EEF1AKMT2: variants seen among roughly 807,000 people sequenced by gnomAD.
EEF1AKMT2 encodes the protein EEF1A lysine methyltransferase 2, also known as eukaryotic translation elongation factor 1 alpha lysine methyltransferase 2.
A neutral mutation model predicts 35.8 loss-of-function variants in EEF1AKMT2; 32 were observed. The observed-to-expected ratio is 0.89, with a 90% confidence interval of 0.67 to 1.20. The LOEUF (loss-of-function observed/expected upper bound fraction) is 1.20, where lower values mean the gene tolerates loss of function less well. EEF1AKMT2 is among the 50% of genes most tolerant of loss of function. The probability of loss-of-function intolerance (pLI) is 0.00; values close to 1 mark genes in which losing one functional copy is unlikely to be tolerated. For synonymous variants in EEF1AKMT2, 121 were observed against 133.7 expected (o/e 0.91, Z 0.65); for missense variants, 330 against 347.5 (o/e 0.95, Z 0.40).
chr10:124,769,591 G>T (rs752267363), intron 4 of EEF1AKMT2, among the ~76,000 whole-genome samples: 1 of 152,130 alleles, frequency 6.6e-6, no homozygotes, highest in Non-Finnish European at 1.5e-5. Context: ...AGTGCATATA[G>T]AAGTTATGTT....
chr10:124,761,807 G>A (rs1950333698), intron 6 of EEF1AKMT2, among the ~76,000 whole-genome samples: 1 of 152,212 alleles, frequency 6.6e-6, no homozygotes, highest in South Asian at 2.1e-4. Context: ...CTGTGCGCCT[G>A]TAGTCCCAGC....
intron 3 of EEF1AKMT2, among the ~76,000 whole-genome samples, chr10:124,788,675 T>G (rs1589795198): frequency 1.5e-5 from 2 of 129,932 alleles, no homozygotes; most frequent in Non-Finnish European, 3.3e-5. Flanking sequence ...TAAGATAAGA[T>G]ACGTATGTCC....
intron 3 of EEF1AKMT2, among the ~76,000 whole-genome samples, chr10:124,787,694 C>T (rs1002519399): frequency 6.6e-6 from 1 of 150,592 alleles, no homozygotes; most frequent in Non-Finnish European, 1.5e-5. Context: ...TACAATGTGC[C>T]ATGATCTCAC....
intron 3 of EEF1AKMT2, among the ~76,000 whole-genome samples, chr10:124,784,757 G>A (rs926225001): frequency 2.0e-5 from 3 of 151,684 alleles, no homozygotes; most frequent in Non-Finnish European, 2.9e-5. Context: ...ATGGTGAAAC[G>A]CTGTCTCTAC....
chr10:124,765,838 C>CTACAAAT (rs950488882), intron 4 of EEF1AKMT2: 17 of 397,038 alleles, frequency 4.3e-5, no homozygotes, highest in African/African-American at 3.3e-4. Flanking sequence ...TTCCAAATCT[C>CTACAAAT]TACAAATTTG....
In EEF1AKMT2 at chr10:124,774,698, C is replaced by T; in HGVS notation, c.376G>A (p.Gly126Ser). The T allele has an allele frequency of 6.9e-7, 1 of 1,450,090 alleles. No individual in the cohort carries two copies. Among genetic ancestry groups the T allele is most frequent in the South Asian group, 1.6e-5 (1 of 62,594 alleles). The allele number at this position is 1,450,090 out of a possible 1,614,324, so 89.8% of individuals were successfully genotyped here. A position where few individuals can be genotyped will look rare whatever the true frequency, so the allele number is the denominator to read the frequency against. ...ACCTTTAACTTAATGTTAGATAAAC[C>T]TTCTTTTTCTATAATACTTCCAGAA... ...QLSGSIIEKE[G>S]LSNIKLKVED... The change falls in exon 4 of 7, where the codon GGT (glycine) becomes AGT (serine). Residue 126 changes from glycine (G) to serine (S), a missense_variant. Transcript: ENST00000368836.
intron 3 of EEF1AKMT2, among the ~76,000 whole-genome samples, chr10:124,784,957 G>C (rs1391939045): frequency 6.9e-6 from 1 of 144,164 alleles, no homozygotes; most frequent in Non-Finnish European, 1.5e-5. Context: ...AGGTCTAAAT[G>C]TAAAAGGTAG....
In EEF1AKMT2 at chr10:124,785,607, A is replaced by G. The variant is rs78001598; in HGVS notation, c.291+3436T>C. ...GAAGAGACATTTTACTAAAGAAGATAAACAGGCCAGGCGTGGTGGCTCACG... is the reference window on the plus strand; with the variant it reads ...GAAGAGACATTTTACTAAAGAAGATGAACAGGCCAGGCGTGGTGGCTCACG... On this transcript the variant is annotated intron_variant, in intron 3 of 6. Coordinates refer to ENST00000368836, the MANE Select transcript of EEF1AKMT2 (RefSeq NM_212554.4). Among the ~76,000 whole-genome samples, 1,028 of 152,264 alleles carry G rather than the reference A, an allele frequency of 6.8e-3. 55 individuals are homozygous for G. The East Asian group carries it at 0.14, about 20-fold the overall frequency.
intron 6 of EEF1AKMT2, 84 bp from the exon 7 acceptor site, chr10:124,760,587 A>T (rs1950322328): frequency 1.0e-6 from 1 of 993,898 alleles, no homozygotes; most frequent in Non-Finnish European, 1.5e-6. Flanking sequence ...ACACTGTACC[A>T]TTGAACCCTT....
At chr10:124,786,463 C>G (rs11815605) in intron 3 of EEF1AKMT2, among the ~76,000 whole-genome samples, 28,668 of 144,180 alleles carry the variant, frequency 0.2, 3,366 homozygotes, top group Non-Finnish European at 0.27. Flanking sequence ...CCGAGATCGC[C>G]CCACTGCACT....
chr10:124,791,482 T>C (rs1465601978), intron 1 of EEF1AKMT2, among the ~76,000 whole-genome samples: 2 of 152,148 alleles, frequency 1.3e-5, no homozygotes, highest in Non-Finnish European at 2.9e-5. Flanking sequence ...AGCCAAAGCC[T>C]GTCCCGCACC....
At chr10:124,780,179 T>C (rs1045541849) in intron 3 of EEF1AKMT2, among the ~76,000 whole-genome samples, 7 of 152,186 alleles carry the variant, frequency 4.6e-5, no homozygotes, top group African/African-American at 1.7e-4. Context: ...CCATAGACAA[T>C]ATGCAAATGA....
chr10:124,772,274 T>C (rs1319292469), intron 4 of EEF1AKMT2, among the ~76,000 whole-genome samples: 2 of 152,152 alleles, frequency 1.3e-5, no homozygotes, highest in Non-Finnish European at 2.9e-5. Flanking sequence ...TATAAGGCTA[T>C]TTCATCTCCA....
rs1950337336 is a variant in EEF1AKMT2 at position 124,762,196 on chromosome 10, T to C, written c.875+104A>G. On this transcript the variant is annotated intron_variant, in intron 6 of 6. Coordinates refer to ENST00000368836, the MANE Select transcript of EEF1AKMT2 (RefSeq NM_212554.4). ...CCACGCCATCAAATTCACTGTGATT[T>C]TGTAAAGATCCAAATAAGGTAATGT... is the stretch of plus-strand genomic sequence containing the variant. 3.4e-6 allele frequency: 3 copies of C among 875,490 alleles called. 1 individual carries two copies. The South Asian group carries it at 1.1e-4, about 32-fold the overall frequency. The allele number at this position is 875,490 out of a possible 1,614,324, so 54.2% of individuals were successfully genotyped here.
At chr10:124,757,399 C>T (rs142823415), downstream of EEF1AKMT2, among the ~76,000 whole-genome samples, 1 of 152,136 alleles carries the variant, frequency 6.6e-6, no homozygotes, top group Non-Finnish European at 1.5e-5. Flanking sequence ...CAGAGACACA[C>T]ACACATACAC....
At chr10:124,763,271 C>G (rs1381335799) in intron 5 of EEF1AKMT2, among the ~76,000 whole-genome samples, 3 of 152,016 alleles carry the variant, frequency 2.0e-5, no homozygotes, top group African/African-American at 7.3e-5. Context: ...GTAACCCTCA[C>G]TAAAAAAATT....
chr10:124,787,133 A>T (rs1950591806), intron 3 of EEF1AKMT2, among the ~76,000 whole-genome samples: 1 of 84,102 alleles, frequency 1.2e-5, no homozygotes, highest in Non-Finnish European at 2.3e-5. Flanking sequence ...TTTTTAGTAG[A>T]GACGGGGTTT....
chr10:124,762,512 G>A lies in EEF1AKMT2; in HGVS notation c.663C>T (p.Ser221=). 7.8e-7 allele frequency: 1 copy of A among 1,284,874 alleles called. No homozygotes were observed. The highest frequency in any genetic ancestry group is 1.0e-6 in the Non-Finnish European group (1 of 976,888). The allele number at this position is 1,284,874 out of a possible 1,614,324, so 79.6% of individuals were successfully genotyped here. A position where few individuals can be genotyped will look rare whatever the true frequency, so the allele number is the denominator to read the frequency against. The change falls in exon 6 of 7, where the codon TCC becomes TCT. Residue 221 remains serine (S), a synonymous_variant. Coordinates refer to ENST00000368836, the MANE Select transcript of EEF1AKMT2 (RefSeq NM_212554.4). ...AGFWLTAALT[S]WAQAIFSTSA... Reference sequence around the variant, plus strand: ...AAGTGGAAAAGATCGCTTGAGCCCAGGAAGTCAAGGCTGCAGTGAGCCAAA... The same window carrying A: ...AAGTGGAAAAGATCGCTTGAGCCCAAGAAGTCAAGGCTGCAGTGAGCCAAA...
chr10:124,762,206 C>A (rs1950337466), intron 6 of EEF1AKMT2, 94 bp downstream of exon 6: 1 of 902,982 alleles, frequency 1.1e-6, no homozygotes. Flanking sequence ...TTGTAAAGAT[C>A]CAAATAAGGT....
Sources: allele counts gnomAD v4.1 joint callset (sites outside exome capture counted in the v4.1 genomes callset), GRCh38; gene constraint gnomAD v4.1.1; transcripts MANE v1.5; gene names NCBI Gene and HGNC (gene_info 2026-07-23, HGNC 2026-07-21).